PROX1: variants seen among roughly 807,000 people sequenced by gnomAD.
The protein encoded by PROX1 is prospero homeobox protein 1.
PROX1 carries 7 observed loss-of-function variants against 58.8 expected under a neutral mutation model. The ratio of observed to expected loss-of-function variants is 0.12; its 90% CI spans 0.07 to 0.22. PROX1 has a LOEUF of 0.22. Ranked by LOEUF, PROX1 falls within the 10% of genes least tolerant of loss-of-function variation. PROX1 has a pLI of 1.00. For synonymous variants in PROX1, 350 were observed against 358.3 expected (o/e 0.98, Z 0.26); for missense variants, 675 against 927.8 (o/e 0.73, Z 3.54).
At chr1:214,023,352 CTTT>C (rs1465110389) in intron 4 of PROX1, among the ~76,000 whole-genome samples, 1 of 150,372 alleles carries the variant, frequency 6.7e-6, no homozygotes, top group Non-Finnish European at 1.5e-5. Flanking sequence ...TTTTTTTATT[CTTT>C]TATTTTTTTA....
At chr1:214,034,740 G>A (rs772515123) in intron 4 of PROX1, among the ~76,000 whole-genome samples, 36 of 152,064 alleles carry the variant, frequency 2.4e-4, no homozygotes, top group Non-Finnish European at 3.2e-4. Flanking sequence ...TAAGAAATTG[G>A]GGTTCTAAAA....
chr1:214,035,434 T>C (rs1394542160), intron 4 of PROX1, among the ~76,000 whole-genome samples: 2 of 152,224 alleles, frequency 1.3e-5, no homozygotes, highest in East Asian at 1.9e-4. Flanking sequence ...GGATCTTTCA[T>C]ACACTCTTCT....
At chr1:214,007,083 G>A (rs1235704673) in intron 3 of PROX1, among the ~76,000 whole-genome samples, 1 of 152,110 alleles carries the variant, frequency 6.6e-6, no homozygotes, top group African/African-American at 2.4e-5. Context: ...TGTGGTGTGT[G>A]GTGGCAAGTG....
At chr1:214,035,626 C>T (rs183980136) in intron 4 of PROX1, 23 bp from the exon 5 acceptor site, 2 of 1,587,696 alleles carry the variant, frequency 1.3e-6, no homozygotes, top group East Asian at 2.3e-5. Context: ...TTTATTAATG[C>T]CATTGTCTCC....
At chr1:213,985,258 A>G (rs1415688020), upstream of PROX1, 2 of 152,186 alleles carry the variant, frequency 1.3e-5, no homozygotes, top group Non-Finnish European at 2.9e-5. Flanking sequence ...CTTCTCCCCT[A>G]TCAGAAAACA....
At position 213,997,436 on chromosome 1, in the gene PROX1, G is replaced by C; in HGVS notation, c.901G>C (p.Glu301Gln). The stretch of plus-strand genomic sequence containing the variant: ...CGGAAGGTCAGATAATGAGATGTGC[G>C]AGCTAGACCCAGGACAGTTTATTGA... ...SVGRSDNEMC[E>Q]LDPGQFIDRA... Residue 301 changes from glutamate to glutamine, a missense_variant, in exon 2 of 5, where the codon GAG becomes CAG. This residue lies in a region of PROX1 where 403 missense variants were observed against 477.4 expected (regional missense o/e 0.84). Coordinates refer to ENST00000366958, the MANE Select transcript of PROX1 (RefSeq NM_001270616.2). The surrounding 1 kb of genome is among the most constrained non-coding windows in gnomAD (Gnocchi z 7.1). 1 of 1,614,076 alleles carries C rather than the reference G, an allele frequency of 6.2e-7. No homozygotes were observed. The highest frequency in any genetic ancestry group is 8.5e-7 in the Non-Finnish European group (1 of 1,180,022).
chr1:214,035,506 G>A, intron 4 of PROX1, 143 bp from the exon 5 acceptor site: 1 of 734,762 alleles, frequency 1.4e-6, no homozygotes, highest in Non-Finnish European at 2.1e-6. Flanking sequence ...TACATTAAAA[G>A]AATAGAAGCC....
intron 4 of PROX1, among the ~76,000 whole-genome samples, chr1:214,033,237 A>C (rs75724905): frequency 0.015 from 2,265 of 152,286 alleles, 22 homozygotes; most frequent in Non-Finnish European, 0.019. Context: ...AGGAACATAG[A>C]ATTTCACTGA....
upstream of PROX1, chr1:213,987,799 C>T (rs1403072592): frequency 6.7e-6 from 1 of 148,340 alleles, no homozygotes; most frequent in Non-Finnish European, 1.5e-5. Flanking sequence ...ACCCCCACCC[C>T]TTTTATATTT....
chr1:213,994,587 G>A (rs1158705758), intron 1 of PROX1, among the ~76,000 whole-genome samples: 32 of 151,192 alleles, frequency 2.1e-4, no homozygotes, highest in Admixed American at 2.1e-3. Context: ...CTGCATTTTT[G>A]TATTCCTGAA....
At chr1:213,990,836 T>C (rs988861243) in intron 1 of PROX1, among the ~76,000 whole-genome samples, 3 of 152,130 alleles carry the variant, frequency 2.0e-5, no homozygotes, top group Admixed American at 6.5e-5. Flanking sequence ...CCAGAAAGAA[T>C]AGGTATGTAC....
intron 4 of PROX1, among the ~76,000 whole-genome samples, chr1:214,023,444 C>T (rs947702046): frequency 3.9e-5 from 6 of 152,042 alleles, no homozygotes; most frequent in African/African-American, 1.2e-4. Context: ...ACAACCTCCA[C>T]CTCTCGGGCT....
rs1558167642 is a variant in PROX1, at chr1:213,994,799, A to ATATATC, written c.-67-1666_-67-1665insTCTATA. Among the ~76,000 whole-genome samples the ATATATC allele has an allele frequency of 4.9e-4, 59 of 119,580 alleles. 2 individuals carry two copies. Among genetic ancestry groups the ATATATC allele is most frequent in the African/African-American group, 1.9e-3 (56 of 28,762 alleles). The allele number at this position is 119,580 out of a possible 152,430, so 78.4% of individuals were successfully genotyped here. ...TATATATATATATATATATATATAT[A>ATATATC]TATAAAGAGGTATCATTTTGCTTTC... On this transcript the variant is annotated intron_variant, in intron 1 of 4. Transcript: ENST00000366958.
intron 4 of PROX1, among the ~76,000 whole-genome samples, chr1:214,034,404 C>T (rs1361240293): frequency 6.6e-6 from 1 of 152,138 alleles, no homozygotes; most frequent in Admixed American, 6.5e-5. Context: ...TACATGTACA[C>T]CTATGATACG....
chr1:214,022,562 C>A (rs1023700966), intron 4 of PROX1, among the ~76,000 whole-genome samples: 1 of 152,142 alleles, frequency 6.6e-6, no homozygotes, highest in Non-Finnish European at 1.5e-5. Flanking sequence ...GCTGAAAAGG[C>A]GACACTAGCC....
chr1:214,035,393 T>C (rs1234730727), intron 4 of PROX1, among the ~76,000 whole-genome samples: 1 of 152,214 alleles, frequency 6.6e-6, no homozygotes, highest in Non-Finnish European at 1.5e-5. Flanking sequence ...ATATCCACAA[T>C]GAAATCCCAG....
intron 3 of PROX1, among the ~76,000 whole-genome samples, chr1:214,008,290 A>G (rs1663787796): frequency 6.6e-6 from 1 of 152,038 alleles, no homozygotes; most frequent in Admixed American, 6.6e-5. Flanking sequence ...CCTGACCTCA[A>G]ATGATCTGCC....
At chr1:214,001,987 G>A (rs1663532107) in intron 2 of PROX1, among the ~76,000 whole-genome samples, 1 of 152,004 alleles carries the variant, frequency 6.6e-6, no homozygotes, top group African/African-American at 2.4e-5. Flanking sequence ...CCCCATTTTA[G>A]TTTCTAGGGG....
intron 4 of PROX1, among the ~76,000 whole-genome samples, chr1:214,019,658 C>T (rs1664213357): frequency 6.6e-6 from 1 of 152,184 alleles, no homozygotes; most frequent in South Asian, 2.1e-4. Context: ...CCCCTGTCAC[C>T]TTGTGTACAG....
Sources: gnomAD v4.1 joint callset for allele counts (sites outside exome capture counted in the v4.1 genomes callset) on GRCh38, gnomAD v4.1.1 for gene constraint, gnomAD v4.1.1 regional missense constraint, Gnocchi (gnomAD v3.1) non-coding constraint, MANE v1.5 for transcripts, NCBI Gene and HGNC (gene_info 2026-07-23, HGNC 2026-07-21) for gene names.